The following BCAS3 variants were observed in gnomAD, a reference collection of about 807,000 sequenced individuals.
The protein encoded by BCAS3 is BCAS4/BCAS3 fusion.
In BCAS3, 53 loss-of-function variants were observed where a neutral mutation model predicts 116.1. The observed-to-expected ratio is 0.46, with a 90% CI of 0.37 to 0.57. The LOEUF is 0.57. Ranked by LOEUF, BCAS3 falls within the 20% of genes least tolerant of loss-of-function variation. BCAS3 has a pLI of 0.00. For synonymous variants in BCAS3, 391 were observed against 408.2 expected (o/e 0.96, Z 0.51); for missense variants, 917 against 1,165.4 (o/e 0.79, Z 3.10).
chr17:60,703,867 T>A lies in BCAS3; in HGVS notation c.215-5352T>A, dbSNP rs1469244158. Among the ~76,000 whole-genome samples the A allele has an allele frequency of 7.0e-4, 101 of 144,054 alleles. 3 individuals carry two copies. Among genetic ancestry groups the A allele is most frequent in the Non-Finnish European group, 2.1e-4 (14 of 67,204 alleles). The allele number at this position is 144,054 out of a possible 152,430, so 94.5% of individuals were successfully genotyped here. On this transcript the variant is annotated intron_variant, in intron 4 of 23. Transcript: ENST00000407086. ...AGGCGGAGCTTGTAGTGAGCCGAGA[T>A]CATGCCGCTGCACTCCAGCCGCCTG... is the stretch of plus-strand genomic sequence containing the variant.
At chr17:60,929,779 C>G (rs1374778781) in intron 13 of BCAS3, among the ~76,000 whole-genome samples, 1 of 134,816 alleles carries the variant, frequency 7.4e-6, no homozygotes, top group Non-Finnish European at 1.5e-5. Context: ...TCCATGTGTT[C>G]TCATTGTTCA....
rs2074525607 is a variant in BCAS3, at chr17:61,104,576, TAGC to T, written c.2425+20015_2425+20017del. Among the ~76,000 whole-genome samples, 1 of 152,196 alleles carries T rather than the reference TAGC, an allele frequency of 6.6e-6. No homozygotes were observed. The highest frequency in any genetic ancestry group is 1.5e-5 in the Non-Finnish European group (1 of 68,036). On this transcript the variant is annotated intron_variant, in intron 22 of 23. Coordinates refer to ENST00000407086, the MANE Select transcript of BCAS3 (RefSeq NM_017679.5). This position sits in a 1 kb window ranked among gnomAD's most constrained non-coding sequence, Gnocchi z 4.1. ...ATACTTCATCATTTATTGGATCAAA[TAGC>T]AGTCTCATTTACTTAGGATCCGTGT... is the stretch of plus-strand genomic sequence containing the variant.
At chr17:61,253,490 A>G (rs949579598) in intron 22 of BCAS3, among the ~76,000 whole-genome samples, 1 of 152,092 alleles carries the variant, frequency 6.6e-6, no homozygotes, top group South Asian at 2.1e-4. Context: ...TAATAGTATT[A>G]TTAGCATTAT....
At chr17:61,176,138 CAAAAAAAAAAAA>C (rs534042215) in intron 22 of BCAS3, among the ~76,000 whole-genome samples, 1 of 50,046 alleles carries the variant, frequency 2.0e-5, no homozygotes, top group African/African-American at 6.6e-5. Context: ...GACCCTATCT[CAAAAAAAAAAAA>C]AAAAAAAAAA....
chr17:61,128,000 G>A lies in BCAS3; in HGVS notation c.2425+43436G>A, dbSNP rs116725568. ...TCTGAAGGAAGACTGTATTGCATTT[G>A]TGTGGCTTTGGGGAAGACATTCAGC... On this transcript the variant is annotated intron_variant, in intron 22 of 23. Coordinates refer to ENST00000407086, the MANE Select transcript of BCAS3 (RefSeq NM_017679.5). Among the ~76,000 whole-genome samples, 469 of 152,254 alleles carry A rather than the reference G, an allele frequency of 3.1e-3. 3 individuals are homozygous for A. The highest frequency in any genetic ancestry group is 0.011 in the African/African-American group (454 of 41,552).
intron 14 of BCAS3, among the ~76,000 whole-genome samples, chr17:60,948,742 T>C (rs779397132): frequency 1.3e-5 from 2 of 152,238 alleles, no homozygotes; most frequent in Non-Finnish European, 2.9e-5. Flanking sequence ...GGCATTACTC[T>C]AGGTTGCTTA....
intron 11 of BCAS3, among the ~76,000 whole-genome samples, chr17:60,905,842 C>T (rs1411405747): frequency 6.6e-6 from 1 of 152,148 alleles, no homozygotes; most frequent in Non-Finnish European, 1.5e-5. Context: ...GTTTGATTTA[C>T]ATAGGGTGTA....
Position 60,961,564 on chromosome 17 carries a change from G to C in BCAS3, c.1221+14212G>C, listed in dbSNP as rs1206248836. Among the ~76,000 whole-genome samples, 1 of 151,970 alleles carries C rather than the reference G, an allele frequency of 6.6e-6. No individual in the cohort carries two copies. Among genetic ancestry groups the C allele is most frequent in the African/African-American group, 2.4e-5 (1 of 41,366 alleles). On this transcript the variant is annotated intron_variant, in intron 14 of 23. Transcript: ENST00000407086. The surrounding 1 kb of genome is among the most constrained non-coding windows in gnomAD (Gnocchi z 4.8). Reference sequence around the variant, plus strand: ...GAGTTACAGAAAAGTTGCAAAGATAGTATAGAAAGTTTCTATACCATATCA... The same window carrying C: ...GAGTTACAGAAAAGTTGCAAAGATACTATAGAAAGTTTCTATACCATATCA...
rs557165752 is a variant in BCAS3 at position 61,161,406 on chromosome 17, G to T, written c.2425+76842G>T. 6.6e-6 allele frequency among the ~76,000 whole-genome samples: 1 copy of T among 152,290 alleles called. No individual in the cohort carries two copies. Among genetic ancestry groups the T allele is most frequent in the South Asian group, 2.1e-4 (1 of 4,832 alleles). On this transcript the variant is annotated intron_variant, in intron 22 of 23. Transcript: ENST00000407086. This position sits in a 1 kb window ranked among gnomAD's most constrained non-coding sequence, Gnocchi z 4.8. ...TTTGATCATGTTACAAGGCCCACTT[G>T]TTGCATTTAATTTAAAGCAGTTGTC...
rs150114066 is a variant in BCAS3, at chr17:61,131,621, T to C, written c.2425+47057T>C. ...CCATAAAGGCCTTTCTTCCTTGAGG[T>C]CTGTGAGCCTCCAGGCCTTTGCAGC... On this transcript the variant is annotated intron_variant, in intron 22 of 23. Transcript: ENST00000407086. This position sits in a 1 kb window ranked among gnomAD's most constrained non-coding sequence, Gnocchi z 4.4. Among the ~76,000 whole-genome samples the C allele has an allele frequency of 3.3e-3, 500 of 152,328 alleles. 3 individuals are homozygous for C. The highest frequency in any genetic ancestry group is 0.012 in the African/African-American group (483 of 41,576).
rs144561207 is a variant in BCAS3, at chr17:61,099,056, G to A, written c.2425+14492G>A. 7.2e-3 allele frequency among the ~76,000 whole-genome samples: 1,092 copies of A among 152,170 alleles called. 9 individuals carry two copies. Among genetic ancestry groups the A allele is most frequent in the Middle Eastern group, 0.024 (7 of 294 alleles). On this transcript the variant is annotated intron_variant, in intron 22 of 23. Transcript: ENST00000407086. ...GGAGAATGTCATGAACCTGGGAGGCGGAGCTCACAGTGAGCTGAGATCGCA... is the reference window on the plus strand; with the variant it reads ...GGAGAATGTCATGAACCTGGGAGGCAGAGCTCACAGTGAGCTGAGATCGCA...
intron 6 of BCAS3, among the ~76,000 whole-genome samples, chr17:60,773,480 A>T (rs1457191013): frequency 6.6e-6 from 1 of 151,686 alleles, no homozygotes; most frequent in African/African-American, 2.4e-5. Flanking sequence ...TTTTGTAGAG[A>T]TGGGGTTTTG....
chr17:60,930,572 C>T (rs1219597369), intron 13 of BCAS3, among the ~76,000 whole-genome samples: 1 of 152,100 alleles, frequency 6.6e-6, no homozygotes, highest in Non-Finnish European at 1.5e-5. Context: ...TCTCCTGCCC[C>T]AGCCTTCTGA....
chr17:61,211,139 G>C lies in BCAS3; in HGVS notation c.2425+126575G>C, dbSNP rs1464435048. Among the ~76,000 whole-genome samples the C allele has an allele frequency of 1.3e-5, 2 of 152,144 alleles. No homozygotes were observed. Among genetic ancestry groups the C allele is most frequent in the Non-Finnish European group, 2.9e-5 (2 of 68,016 alleles). On this transcript the variant is annotated intron_variant, in intron 22 of 23. Coordinates refer to ENST00000407086, the MANE Select transcript of BCAS3 (RefSeq NM_017679.5). The surrounding 1 kb of genome is among the most constrained non-coding windows in gnomAD (Gnocchi z 4.4). ...ATAGTAATGTTTGGAGGCATGCTCA[G>C]TTATTCAGAAGAAATGGAATGACGT...
intron 7 of BCAS3, among the ~76,000 whole-genome samples, chr17:60,850,043 C>G (rs2052938444): frequency 6.6e-6 from 1 of 152,112 alleles, no homozygotes; most frequent in African/African-American, 2.4e-5. Context: ...GAGACGGAAC[C>G]CACTGCACTT....
At chr17:61,386,777 T>TG (rs371493779) in intron 23 of BCAS3, among the ~76,000 whole-genome samples, 5,149 of 145,996 alleles carry the variant, frequency 0.035, 312 homozygotes, top group African/African-American at 0.12. Context: ...CTTACTGTTT[T>TG]TTTTTGTTTT....
At chr17:60,999,770 C>T (rs2064112433) in intron 15 of BCAS3, among the ~76,000 whole-genome samples, 1 of 152,168 alleles carries the variant, frequency 6.6e-6, no homozygotes, top group Non-Finnish European at 1.5e-5. Context: ...AATATTGATT[C>T]TTCCAATCCA....
Position 61,087,842 on chromosome 17 carries a change from A to ATGTTATTC in BCAS3, c.2425+3279_2425+3286dup, listed in dbSNP as rs913366032. ...AGTTCTATAACTGCTTGATGAGTAG[A>ATGTTATTC]TGTTATTCCCATAACATCTGTCTCA... On this transcript the variant is annotated intron_variant, in intron 22 of 23. Transcript: ENST00000407086. The surrounding 1 kb of genome is among the most constrained non-coding windows in gnomAD (Gnocchi z 4.6). 1.3e-5 allele frequency among the ~76,000 whole-genome samples: 2 copies of ATGTTATTC among 152,104 alleles called. No homozygotes were observed. The highest frequency in any genetic ancestry group is 4.8e-5 in the African/African-American group (2 of 41,398).
rs1265763936 is a variant in BCAS3 at position 61,259,682 on chromosome 17, T to G, written c.2426-108645T>G. On this transcript the variant is annotated intron_variant, in intron 22 of 23. Coordinates refer to ENST00000407086, the MANE Select transcript of BCAS3 (RefSeq NM_017679.5). This position sits in a 1 kb window ranked among gnomAD's most constrained non-coding sequence, Gnocchi z 4.7. ...TTTCAAGAAGAGGCTCATGTTCTGG[T>G]TCCAGGGCACCAGCCTTAGAGTGGG... 6.6e-6 allele frequency among the ~76,000 whole-genome samples: 1 copy of G among 152,188 alleles called. No individual in the cohort carries two copies. Among genetic ancestry groups the G allele is most frequent in the Non-Finnish European group, 1.5e-5 (1 of 68,040 alleles).
Sources: gnomAD v4.1 joint callset for allele counts (sites outside exome capture counted in the v4.1 genomes callset) on GRCh38, gnomAD v4.1.1 for gene constraint, Gnocchi (gnomAD v3.1) non-coding constraint, MANE v1.5 for transcripts, NCBI Gene and HGNC (gene_info 2026-07-23, HGNC 2026-07-21) for gene names.